The following ZNF517 variants were observed in gnomAD, a reference collection of about 807,000 sequenced individuals.
ZNF517 encodes zinc finger protein 517.
In ZNF517, 12 loss-of-function variants were observed where a neutral mutation model predicts 12.1. That is an observed-to-expected ratio of 0.99 (90% CI 0.63 to 1.61). The LOEUF is 1.61. Among genes scored for constraint, ZNF517 ranks in the 40% most tolerant of loss-of-function variants. The pLI, the probability that ZNF517 is intolerant of heterozygous loss-of-function variation, is 0.00. For synonymous variants in ZNF517, 388 were observed against 310.2 expected (o/e 1.25, Z -2.63); for missense variants, 781 against 693.2 (o/e 1.13, Z -1.42).
At chr8:144,801,912 A>G (rs1267687337) in intron 1 of ZNF517, among the ~76,000 whole-genome samples, 1 of 152,132 alleles carries the variant, frequency 6.6e-6, no homozygotes, top group Admixed American at 6.6e-5. Flanking sequence ...ATGCGCCTGT[A>G]GTTCCAGCTA....
intron 2 of ZNF517, 144 bp from the exon 3 acceptor site, chr8:144,803,497 G>T: frequency 1.8e-6 from 2 of 1,130,322 alleles, no homozygotes; most frequent in East Asian, 2.4e-5. Context: ...GGGGGGTGTT[G>T]GGCTGCCCTT....
At chr8:144,801,113 G>A (rs576450065) in intron 1 of ZNF517, among the ~76,000 whole-genome samples, 7 of 152,302 alleles carry the variant, frequency 4.6e-5, no homozygotes, top group Admixed American at 4.6e-4. Context: ...ACAGGCATGA[G>A]TCACTGTGCC....
Position 144,803,671 on chromosome 8 carries a change from T to C in ZNF517, c.64T>C (p.Tyr22His). 6.2e-7 allele frequency: 1 copy of C among 1,614,146 alleles called. No homozygotes were observed. The highest frequency in any genetic ancestry group is 8.5e-7 in the Non-Finnish European group (1 of 1,179,996). Residue 22 changes from tyrosine to histidine, a missense_variant, in exon 3 of 5, where the codon TAC becomes CAC. By Grantham distance (83) the Tyr-to-His change is moderately conservative. Coordinates refer to ENST00000359971, the MANE Select transcript of ZNF517 (RefSeq NM_213605.3). ...GGTTGTGTTCGAGGATGTGGCTGTGTACTTCACAAGGATAGAGTGGAGTTG... is the reference window on the plus strand; with the variant it reads ...GGTTGTGTTCGAGGATGTGGCTGTGCACTTCACAAGGATAGAGTGGAGTTG... ...EAVVFEDVAV[Y>H]FTRIEWSCLA...
chr8:144,810,361 C>T (rs578171506), downstream of ZNF517: 19 of 489,652 alleles, frequency 3.9e-5, no homozygotes, highest in East Asian at 5.8e-4. Flanking sequence ...GCCCACTGCT[C>T]CCCGGGCTGT....
intron 1 of ZNF517, 145 bp from the exon 2 acceptor site, chr8:144,802,725 T>A: frequency 6.6e-6 from 9 of 1,362,250 alleles, no homozygotes; most frequent in Non-Finnish European, 8.6e-6. Flanking sequence ...TGGATACACC[T>A]CCTTGGGACG....
chr8:144,808,643 G>T lies in ZNF517; in HGVS notation c.*248G>T. On this transcript the variant is annotated 3_prime_UTR_variant, in exon 5 of 5. Coordinates refer to ENST00000359971, the MANE Select transcript of ZNF517 (RefSeq NM_213605.3). ...TCCTGGGGCCTTCCGGAAATGTCCA[G>T]GAGCGGGCAGAAGGGAGAGAGGGAG... The T allele has an allele frequency of 4.5e-6, 2 of 440,246 alleles. No individual in the cohort carries two copies. The highest frequency in any genetic ancestry group is 7.6e-6 in the Non-Finnish European group (2 of 263,864). The allele number at this position is 440,246 out of a possible 1,614,324, so 27.3% of individuals were successfully genotyped here.
At chr8:144,810,464 C>T (rs1285379858), downstream of ZNF517, 11 of 410,820 alleles carry the variant, frequency 2.7e-5, no homozygotes, top group East Asian at 2.4e-4. Context: ...GATCCACCCT[C>T]CAGAGAACAA....
chr8:144,804,250 G>A lies in ZNF517; in HGVS notation c.274+12G>A. On this transcript the variant is annotated intron_variant, in intron 4 of 4. Transcript: ENST00000359971. ...CAGCCTGTGCACAGGTGAGTACAAA[G>A]CACCCACAGGGCGTGTCCTGTGCTG... 5 of 1,608,006 alleles carry A rather than the reference G, an allele frequency of 3.1e-6. No homozygotes were observed. Among genetic ancestry groups the A allele is most frequent in the Non-Finnish European group, 3.4e-6 (4 of 1,176,260 alleles).
intron 2 of ZNF517, 188 bp downstream of exon 2, chr8:144,803,135 C>A: frequency 1.3e-6 from 1 of 748,440 alleles, no homozygotes; most frequent in Non-Finnish European, 2.1e-6. Flanking sequence ...ATCCTTCCAG[C>A]CTTTGGGCAG....
chr8:144,808,446 C>T lies in ZNF517; in HGVS notation c.*51C>T, dbSNP rs754573739. 1.7e-4 allele frequency: 246 copies of T among 1,431,240 alleles called. 1 individual carries two copies. Among genetic ancestry groups the T allele is most frequent in the Admixed American group, 7.0e-4 (23 of 32,638 alleles). 88.7% of individuals were successfully genotyped at this position (1,431,240 alleles called of 1,614,324 possible). On this transcript the variant is annotated 3_prime_UTR_variant, in exon 5 of 5. Transcript: ENST00000359971. ...CACGCTGGAAGCCCACCCAAGCCGG[C>T]GGGGCCCTAGCGCAGAAATTCAGAA...
intron 2 of ZNF517, 128 bp downstream of exon 2, chr8:144,803,075 GAGGACAGCCTCCTCGCT>G (rs1428796702): frequency 8.1e-7 from 1 of 1,227,100 alleles, no homozygotes; most frequent in East Asian, 2.5e-5. Flanking sequence ...TCTGCAAGCC[GAGGACAGCCTCCTCGCT>G]CTATGGCCAG....
chr8:144,800,743 A>G (rs1395004072), intron 1 of ZNF517: 2 of 970,266 alleles, frequency 2.1e-6, no homozygotes, highest in Non-Finnish European at 2.5e-6. Flanking sequence ...ATCCACCCCC[A>G]TCGCCCTTCG....
chr8:144,799,952 C>T (rs942046995), intron 1 of ZNF517, among the ~76,000 whole-genome samples: 1 of 151,978 alleles, frequency 6.6e-6, no homozygotes, highest in African/African-American at 2.4e-5. Context: ...ACAACAGCAA[C>T]AACAAAAAAG....
chr8:144,808,048 C>T lies in ZNF517; in HGVS notation c.1132C>T (p.Arg378Ter), dbSNP rs1040131557. ...GTGCCCGGTGTGCGGGAGGCCGTTCCGACACAACTCCCTGCTGCTGCTGCA... is the reference window on the plus strand; with the variant it reads ...GTGCCCGGTGTGCGGGAGGCCGTTCTGACACAACTCCCTGCTGCTGCTGCA... ...HECPVCGRPF[R>*]HNSLLLLHLR... The change falls in exon 5 of 5, where the codon CGA becomes TGA. Residue 378 changes from arginine to a stop codon, truncating the protein, a stop_gained. Coordinates refer to ENST00000359971, the MANE Select transcript of ZNF517 (RefSeq NM_213605.3). LOFTEE classifies it low-confidence loss of function (END_TRUNC). 16 of 1,603,594 alleles carry T rather than the reference C, an allele frequency of 1.0e-5. No individual in the cohort carries two copies. Among genetic ancestry groups the T allele is most frequent in the Middle Eastern group, 1.7e-4 (1 of 6,058 alleles).
intron 1 of ZNF517, among the ~76,000 whole-genome samples, chr8:144,799,616 T>C (rs1408048932): frequency 6.6e-6 from 1 of 152,142 alleles, no homozygotes; most frequent in Non-Finnish European, 1.5e-5. Context: ...GGGGTTAGGG[T>C]AGCCTTGGCG....
In ZNF517 at chr8:144,807,327, G is replaced by C. The variant is rs764649958; in HGVS notation, c.411G>C (p.Pro137=). The change falls in exon 5 of 5, where the codon CCG becomes CCC. Residue 137 remains proline, a synonymous_variant. Coordinates refer to ENST00000359971, the MANE Select transcript of ZNF517 (RefSeq NM_213605.3). ...GGGGGCACCCTGCACCACCCCACCC[G>C]CATGGCGGTCCTGAGGACGGGTCAG... ...PVGGHPAPPH[P]HGGPEDGSDK... 6.4e-7 allele frequency: 1 copy of C among 1,551,752 alleles called. No homozygotes were observed. Among genetic ancestry groups the C allele is most frequent in the South Asian group, 1.2e-5 (1 of 83,870 alleles).
In ZNF517 at chr8:144,808,061, T is replaced by G; in HGVS notation, c.1145T>G (p.Leu382Arg). Reference protein sequence around the residue: ...VCGRPFRHNSLLLLHLRLHTG... With the variant: ...VCGRPFRHNSRLLLHLRLHTG... ...GGGAGGCCGTTCCGACACAACTCCC[T>G]GCTGCTGCTGCACCTGCGCCTACAC... The change falls in exon 5 of 5, where the codon CTG (leucine) becomes CGG (arginine). Residue 382 changes from leucine to arginine, a missense_variant. Coordinates refer to ENST00000359971, the MANE Select transcript of ZNF517 (RefSeq NM_213605.3). The G allele has an allele frequency of 6.2e-7, 1 of 1,601,668 alleles. No individual in the cohort carries two copies. Among genetic ancestry groups the G allele is most frequent in the Non-Finnish European group, 8.5e-7 (1 of 1,174,722 alleles).
chr8:144,807,430 G>T lies in ZNF517; in HGVS notation c.514G>T (p.Gly172Trp). The change falls in exon 5 of 5, where the codon GGG (glycine) becomes TGG (tryptophan). Residue 172 changes from glycine (G) to tryptophan (W), a missense_variant. Coordinates refer to ENST00000359971, the MANE Select transcript of ZNF517 (RefSeq NM_213605.3). The stretch of plus-strand genomic sequence containing the variant: ...GCAGGAAGACCTGGGCCGGCCTGTG[G>T]GGAGCTCAGCCCCCCGCTACAGGTG... ...VLQEDLGRPV[G>W]SSAPRYRCVC... is the part of the protein sequence containing the mutation. 6.4e-7 allele frequency: 1 copy of T among 1,570,750 alleles called. No homozygotes were observed. The highest frequency in any genetic ancestry group is 2.4e-5 in the East Asian group (1 of 41,874).
rs1275302885 is a variant in ZNF517, at chr8:144,803,674, T to G, written c.67T>G (p.Phe23Val). ...AVVFEDVAVY[F>V]TRIEWSCLAP... is the part of the protein sequence containing the mutation. Reference sequence around the variant, plus strand: ...TGTGTTCGAGGATGTGGCTGTGTACTTCACAAGGATAGAGTGGAGTTGCCT... The same window carrying G: ...TGTGTTCGAGGATGTGGCTGTGTACGTCACAAGGATAGAGTGGAGTTGCCT... Residue 23 changes from phenylalanine (F) to valine (V), a missense_variant, in exon 3 of 5, where the codon TTC becomes GTC. Physicochemically the swap from Phe to Val is conservative, Grantham distance 50 (BLOSUM62 -1). Transcript: ENST00000359971. 1 of 1,614,046 alleles carries G rather than the reference T, an allele frequency of 6.2e-7. No individual in the cohort carries two copies. The highest frequency in any genetic ancestry group is 8.5e-7 in the Non-Finnish European group (1 of 1,180,012).
Sources: gnomAD v4.1 joint callset for allele counts (sites outside exome capture counted in the v4.1 genomes callset) on GRCh38, gnomAD v4.1.1 for gene constraint, MANE v1.5 for transcripts, NCBI Gene and HGNC (gene_info 2026-07-23, HGNC 2026-07-21) for gene names.